THEMIS: variants seen among roughly 807,000 people sequenced by gnomAD.
THEMIS encodes the protein protein THEMIS.
THEMIS carries 37 observed loss-of-function variants against 52.6 expected under a neutral mutation model. The ratio of observed to expected loss-of-function variants is 0.70; its 90% CI spans 0.54 to 0.93. The LOEUF is 0.93. Among genes scored for constraint, THEMIS ranks in the 40% least tolerant of loss-of-function variants. THEMIS has a pLI of 0.00. For synonymous variants in THEMIS, 292 were observed against 272.7 expected (o/e 1.07, Z -0.70); for missense variants, 808 against 763.1 (o/e 1.06, Z -0.69).
At chr6:127,798,644 T>C (rs1473564661) in intron 4 of THEMIS, among the ~76,000 whole-genome samples, 1 of 152,214 alleles carries the variant, frequency 6.6e-6, no homozygotes, top group Non-Finnish European at 1.5e-5. Flanking sequence ...TACTTAAATG[T>C]TAGTGAGCCC....
intron 3 of THEMIS, among the ~76,000 whole-genome samples, chr6:127,818,969 T>C (rs1306686296): frequency 6.6e-6 from 1 of 150,812 alleles, no homozygotes; most frequent in Non-Finnish European, 1.5e-5. Context: ...AATACAAAAA[T>C]TAGCCAGGCG....
At chr6:127,755,459 C>A (rs1391668137) in intron 4 of THEMIS, among the ~76,000 whole-genome samples, 1 of 152,044 alleles carries the variant, frequency 6.6e-6, no homozygotes, top group Non-Finnish European at 1.5e-5. Context: ...AATTACCCTA[C>A]AGAATGCTTG....
chr6:127,735,100 C>T (rs1774956792), intron 4 of THEMIS, among the ~76,000 whole-genome samples: 1 of 151,400 alleles, frequency 6.6e-6, no homozygotes, highest in South Asian at 2.1e-4. Context: ...TCTATAGTCT[C>T]AGCAGACGAA....
chr6:127,703,140 C>T (rs377542484), downstream of THEMIS, among the ~76,000 whole-genome samples: 82 of 146,546 alleles, frequency 5.6e-4, no homozygotes, highest in East Asian at 8.6e-3. Context: ...CTCCGCCTCC[C>T]GGGTTCACGC....
intron 1 of THEMIS, among the ~76,000 whole-genome samples, chr6:127,859,011 C>G (rs543181132): frequency 9.9e-5 from 15 of 152,172 alleles, no homozygotes; most frequent in African/African-American, 3.4e-4. Flanking sequence ...TCCATATAAG[C>G]AATGCTGTGA....
intron 4 of THEMIS, among the ~76,000 whole-genome samples, chr6:127,762,805 C>A (rs1776067724): frequency 6.6e-6 from 1 of 152,192 alleles, no homozygotes; most frequent in Non-Finnish European, 1.5e-5. Flanking sequence ...TTTCTCATTT[C>A]TATCATCTCC....
At chr6:127,896,069 A>G (rs1266464444) in intron 1 of THEMIS, among the ~76,000 whole-genome samples, 1 of 151,596 alleles carries the variant, frequency 6.6e-6, no homozygotes, top group Non-Finnish European at 1.5e-5. Context: ...CTATGTAATT[A>G]TCATAAAAGT....
chr6:127,881,447 G>T (rs756034545), intron 1 of THEMIS, among the ~76,000 whole-genome samples: 1 of 151,818 alleles, frequency 6.6e-6, no homozygotes, highest in Non-Finnish European at 1.5e-5. Flanking sequence ...ATATTTATAG[G>T]ATTATAGGAA....
At chr6:127,885,596 G>A (rs1432839225) in intron 1 of THEMIS, among the ~76,000 whole-genome samples, 1 of 151,878 alleles carries the variant, frequency 6.6e-6, no homozygotes, top group African/African-American at 2.4e-5. Context: ...AGAAATGAAG[G>A]GAGATAGATA....
intron 4 of THEMIS, among the ~76,000 whole-genome samples, chr6:127,748,165 A>G (rs1408012041): frequency 6.6e-6 from 1 of 152,126 alleles, no homozygotes; most frequent in African/African-American, 2.4e-5. Context: ...GGTTACATCC[A>G]TTTGAGTTTA....
chr6:127,730,218 G>A (rs1583207474), intron 4 of THEMIS, among the ~76,000 whole-genome samples: 1 of 151,054 alleles, frequency 6.6e-6, no homozygotes, highest in Non-Finnish European at 1.5e-5. Context: ...AGTGAGCTGT[G>A]ATTGTGCCAC....
chr6:127,715,280 A>C (rs1310714529), intron 5 of THEMIS, among the ~76,000 whole-genome samples: 1 of 151,936 alleles, frequency 6.6e-6, no homozygotes, highest in Non-Finnish European at 1.5e-5. Context: ...AAATATAAAG[A>C]TGAAAGGACA....
At chr6:127,796,887 T>G (rs550922318) in intron 4 of THEMIS, among the ~76,000 whole-genome samples, 2 of 152,338 alleles carry the variant, frequency 1.3e-5, no homozygotes, top group Non-Finnish European at 2.9e-5. Flanking sequence ...CAAATCTCTG[T>G]GAACTAGTGG....
At chr6:127,774,860 T>G (rs1028951471) in intron 4 of THEMIS, among the ~76,000 whole-genome samples, 5 of 152,156 alleles carry the variant, frequency 3.3e-5, no homozygotes, top group African/African-American at 4.8e-5. Flanking sequence ...TTGAGGCTAG[T>G]AGGGTGAGGG....
At chr6:127,848,062 TC>T (rs1330295796) in intron 2 of THEMIS, among the ~76,000 whole-genome samples, 3 of 55,050 alleles carry the variant, frequency 5.4e-5, no homozygotes, top group South Asian at 1.1e-3. Flanking sequence ...ATGCTATCCC[TC>T]CCCCCTCCCC....
At chr6:127,905,729 A>G (rs1012030170), upstream of THEMIS, among the ~76,000 whole-genome samples, 3 of 152,068 alleles carry the variant, frequency 2.0e-5, no homozygotes, top group Non-Finnish European at 4.4e-5. Context: ...GTTCTAAAGC[A>G]TTAGCCTTCT....
At chr6:127,781,126 C>T (rs1776729260) in intron 4 of THEMIS, among the ~76,000 whole-genome samples, 1 of 151,848 alleles carries the variant, frequency 6.6e-6, no homozygotes, top group African/African-American at 2.4e-5. Context: ...TGTCTTCAAG[C>T]TTATTTCATT....
intron 1 of THEMIS, among the ~76,000 whole-genome samples, chr6:127,912,714 T>C (rs1371012114): frequency 3.9e-5 from 6 of 152,220 alleles, no homozygotes; most frequent in Admixed American, 1.3e-4. Context: ...TGGCCTAACT[T>C]AAATTATTAA....
the THEMIS span, among the ~76,000 whole-genome samples, chr6:127,698,906 A>C: frequency 6.6e-6 from 1 of 151,994 alleles, no homozygotes; most frequent in East Asian, 1.9e-4. Flanking sequence ...TTAATTTTTC[A>C]CTTTTATCTG....
Sources: gnomAD v4.1 joint callset for allele counts (sites outside exome capture counted in the v4.1 genomes callset) on GRCh38, gnomAD v4.1.1 for gene constraint, MANE v1.5 for transcripts, NCBI Gene and HGNC (gene_info 2026-07-23, HGNC 2026-07-21) for gene names.